Variants in NPR3 observed in about 807,000 individuals in gnomAD.
NPR3 encodes the protein natriuretic peptide receptor 3, also known as atrial natriuretic peptide receptor 3.
NPR3 carries 34 observed loss-of-function variants against 54.5 expected under a neutral mutation model. The ratio of observed to expected loss-of-function variants is 0.62; its 90% CI spans 0.47 to 0.83. NPR3 has a LOEUF of 0.83. Ranked by LOEUF, NPR3 falls within the 40% of genes least tolerant of loss-of-function variation. The probability of loss-of-function intolerance (pLI) is 0.00; values close to 1 mark genes in which losing one functional copy is unlikely to be tolerated. For synonymous variants in NPR3, 289 were observed against 297.1 expected (o/e 0.97, Z 0.28); for missense variants, 674 against 720.8 (o/e 0.94, Z 0.74).
chr5:32,764,606 C>T (rs897547001), intron 3 of NPR3, among the ~76,000 whole-genome samples: 7 of 151,408 alleles, frequency 4.6e-5, no homozygotes, highest in Non-Finnish European at 5.9e-5. Flanking sequence ...TGGCCAACAT[C>T]GTGAAACCCT....
At chr5:32,720,919 T>C (rs892679122) in intron 1 of NPR3, among the ~76,000 whole-genome samples, 2 of 152,196 alleles carry the variant, frequency 1.3e-5, no homozygotes, top group Non-Finnish European at 2.9e-5. Flanking sequence ...TTATGATAAA[T>C]ATGTAATTTA....
intron 5 of NPR3, 47 bp from the exon 6 acceptor site, chr5:32,782,846 C>T: frequency 6.5e-7 from 1 of 1,542,660 alleles, no homozygotes; most frequent in Non-Finnish European, 8.7e-7. Flanking sequence ...AGCTTTGTGC[C>T]TCCTTTGACT....
chr5:32,777,185 C>T (rs1308546780), intron 4 of NPR3, among the ~76,000 whole-genome samples: 1 of 152,178 alleles, frequency 6.6e-6, no homozygotes, highest in Non-Finnish European at 1.5e-5. Flanking sequence ...CAGAAAGTCA[C>T]CTGAGGCTTT....
intron 4 of NPR3, among the ~76,000 whole-genome samples, chr5:32,778,080 G>A (rs907455659): frequency 4.0e-5 from 6 of 151,706 alleles, no homozygotes; most frequent in Middle Eastern, 6.8e-3. Context: ...GAGGGTAGGT[G>A]CCAATGATGG....
intron 3 of NPR3, among the ~76,000 whole-genome samples, chr5:32,757,302 C>G (rs1740899341): frequency 6.6e-6 from 1 of 152,094 alleles, no homozygotes; most frequent in South Asian, 2.1e-4. Flanking sequence ...TGTAGTTTTC[C>G]TTGAAGAGGT....
At chr5:32,769,173 T>C (rs1037048913) in intron 3 of NPR3, among the ~76,000 whole-genome samples, 1 of 152,190 alleles carries the variant, frequency 6.6e-6, no homozygotes, top group East Asian at 1.9e-4. Flanking sequence ...TTATGGCAGT[T>C]GCTGCTGTGA....
rs181276788 is a variant in NPR3 at position 32,715,414 on chromosome 5, C to T, written c.769+2869C>T. On this transcript the variant is annotated intron_variant, in intron 1 of 7. Transcript: ENST00000265074. The stretch of plus-strand genomic sequence containing the variant: ...ATGTTTGAACAAGTAAAAAACTGAC[C>T]GTGCCAGCATCTCAAATAATAATGC... 1.6e-3 allele frequency among the ~76,000 whole-genome samples: 238 copies of T among 152,110 alleles called. 1 individual carries two copies. Among genetic ancestry groups the T allele is most frequent in the African/African-American group, 5.6e-3 (231 of 41,498 alleles).
chr5:32,736,457 G>A (rs1159311933), intron 2 of NPR3, among the ~76,000 whole-genome samples: 1 of 152,240 alleles, frequency 6.6e-6, no homozygotes, highest in African/African-American at 2.4e-5. Context: ...TTCCCCTGGA[G>A]AGAACTTTTT....
At chr5:32,761,714 CTT>C (rs1339325872) in intron 3 of NPR3, among the ~76,000 whole-genome samples, 9 of 149,884 alleles carry the variant, frequency 6.0e-5, no homozygotes, top group Non-Finnish European at 1.5e-5. Flanking sequence ...TGGTAACTCT[CTT>C]TGGCTATCTT....
chr5:32,714,996 C>A (rs1738474318), intron 1 of NPR3, among the ~76,000 whole-genome samples: 1 of 152,106 alleles, frequency 6.6e-6, no homozygotes, highest in Non-Finnish European at 1.5e-5. Context: ...CCCAGGAATG[C>A]CTGGGAGCAC....
rs1742773795 is a variant in NPR3 at position 32,789,074 on chromosome 5, G to A, written c.*2729G>A. The A allele has an allele frequency of 1.2e-5, 2 of 169,796 alleles. No homozygotes were observed. Among genetic ancestry groups the A allele is most frequent in the South Asian group, 2.8e-4 (2 of 7,218 alleles). The allele number at this position is 169,796 out of a possible 1,614,324, so 10.5% of individuals were successfully genotyped here. ...TCTACTAGTAGTCACATGTCATATA[G>A]TAAAATAAATAGGGCTTTAGTTCTT... On this transcript the variant is annotated 3_prime_UTR_variant, in exon 8 of 8. Coordinates refer to ENST00000265074, the MANE Select transcript of NPR3 (RefSeq NM_001204375.2).
At chr5:32,777,777 T>C (rs1042092031) in intron 4 of NPR3, among the ~76,000 whole-genome samples, 1 of 152,176 alleles carries the variant, frequency 6.6e-6, no homozygotes, top group African/African-American at 2.4e-5. Flanking sequence ...TTGTAGTTCA[T>C]GGGTGAGTAG....
intron 2 of NPR3, among the ~76,000 whole-genome samples, chr5:32,734,567 C>T (rs1739630429): frequency 6.6e-6 from 1 of 152,164 alleles, no homozygotes; most frequent in Admixed American, 6.5e-5. Flanking sequence ...ATCCACCACT[C>T]CCCTGCAAGT....
chr5:32,714,918 C>T (rs1311922072), intron 1 of NPR3, among the ~76,000 whole-genome samples: 1 of 152,130 alleles, frequency 6.6e-6, no homozygotes, highest in Non-Finnish European at 1.5e-5. Flanking sequence ...ACCTCGAGCT[C>T]CTTAGGTAAA....
intron 1 of NPR3, among the ~76,000 whole-genome samples, chr5:32,722,783 G>T (rs577814963): frequency 6.6e-6 from 1 of 152,264 alleles, no homozygotes; most frequent in African/African-American, 2.4e-5. Context: ...TGAAACAAGG[G>T]TCTAAATCAT....
At chr5:32,744,085 C>T (rs961814876) in intron 3 of NPR3, among the ~76,000 whole-genome samples, 2 of 151,180 alleles carry the variant, frequency 1.3e-5, no homozygotes, top group Non-Finnish European at 1.5e-5. Context: ...CCCTGCCTCC[C>T]GGGTTCAGGT....
At chr5:32,690,946 C>T (rs1050395032) in intron 1 of NPR3, among the ~76,000 whole-genome samples, 2 of 152,192 alleles carry the variant, frequency 1.3e-5, no homozygotes, top group African/African-American at 4.8e-5. Flanking sequence ...GAGTGTGGCT[C>T]TCTTGGACCT....
chr5:32,784,318 A>G (rs1475114810), intron 6 of NPR3, among the ~76,000 whole-genome samples: 1 of 152,142 alleles, frequency 6.6e-6, no homozygotes, highest in Non-Finnish European at 1.5e-5. Context: ...CCTCCTGAGT[A>G]GCTGGGATTA....
chr5:32,783,077 A>G, intron 6 of NPR3, 49 bp downstream of exon 6: 1 of 1,532,138 alleles, frequency 6.5e-7, no homozygotes, highest in Non-Finnish European at 8.8e-7. Context: ...CTCTAACCTC[A>G]GTGTAATGTA....
Sources: gnomAD v4.1 joint callset for allele counts (sites outside exome capture counted in the v4.1 genomes callset) on GRCh38, gnomAD v4.1.1 for gene constraint, MANE v1.5 for transcripts, NCBI Gene and HGNC (gene_info 2026-07-23, HGNC 2026-07-21) for gene names.